The following ZFAND3 variants were observed in gnomAD, a reference collection of about 807,000 sequenced individuals.
The protein encoded by ZFAND3 is zinc finger AN1-type containing 3.
A neutral mutation model predicts 29.6 loss-of-function variants in ZFAND3; 10 were observed. The ratio of observed to expected loss-of-function variants is 0.34; its 90% CI spans 0.21 to 0.57. The LOEUF (loss-of-function observed/expected upper bound fraction) is 0.57, where lower values mean the gene tolerates loss of function less well. ZFAND3 is among the 20% of genes least tolerant of loss of function. ZFAND3 has a pLI of 0.86. For missense variants in ZFAND3, 230 were observed against 304.5 expected (o/e 0.76, Z 1.82); for synonymous variants, 128 against 112.6 (o/e 1.14, Z -0.87).
chr6:38,003,362 C>T (rs563502148), intron 2 of ZFAND3: 1 of 153,952 alleles, frequency 6.5e-6, no homozygotes, highest in African/African-American at 2.4e-5. Context: ...CTGCCATAGT[C>T]ATCTGCCCCC....
chr6:38,028,635 TA>T lies in ZFAND3; in HGVS notation c.113-32957del, dbSNP rs1232405822. Among the ~76,000 whole-genome samples the T allele has an allele frequency of 7.9e-4, 120 of 152,364 alleles. 1 individual carries two copies. The East Asian group carries it at 0.018, about 23-fold the overall frequency. ...CTAAAGTCTGCCTGACCTAGGGTAC[TA>T]TTGTAGTAAAGAATCCACTTAACTC... On this transcript the variant is annotated intron_variant, in intron 2 of 5. Transcript: ENST00000287218.
In ZFAND3 at chr6:37,945,957, A is replaced by G. The variant is rs1053121070; in HGVS notation, c.112+15958A>G. Among the ~76,000 whole-genome samples, 28 of 152,174 alleles carry G rather than the reference A, an allele frequency of 1.8e-4. 1 individual carries two copies. The highest frequency in any genetic ancestry group is 1.5e-5 in the Non-Finnish European group (1 of 68,028). ...AAATTTGGTCAGTGATTCTAGTTGC[A>G]TTATAAATTAAAATTCAGAGAAACA... On this transcript the variant is annotated intron_variant, in intron 2 of 5. Transcript: ENST00000287218.
intron 1 of ZFAND3, among the ~76,000 whole-genome samples, chr6:37,838,320 C>T (rs961319834): frequency 4.6e-5 from 7 of 152,128 alleles, no homozygotes; most frequent in African/African-American, 1.4e-4. Context: ...ATATAATTCA[C>T]CTACCATAAA....
At chr6:38,104,955 A>G (rs1458656036) in intron 4 of ZFAND3, among the ~76,000 whole-genome samples, 1 of 152,222 alleles carries the variant, frequency 6.6e-6, no homozygotes, top group Admixed American at 6.5e-5. Flanking sequence ...CAGGATATAT[A>G]GTAGTTAAGA....
At position 37,947,590 on chromosome 6, in the gene ZFAND3, C is replaced by T. The variant is rs1410371615; in HGVS notation, c.112+17591C>T. On this transcript the variant is annotated intron_variant, in intron 2 of 5. Transcript: ENST00000287218. Reference sequence around the variant, plus strand: ...CATGTAACAAAATGCCCTGCCCTTTCTACTCCAAGTTTCCCCACATGCAGT... The same window carrying T: ...CATGTAACAAAATGCCCTGCCCTTTTTACTCCAAGTTTCCCCACATGCAGT... Among the ~76,000 whole-genome samples the T allele has an allele frequency of 1.3e-5, 2 of 152,174 alleles. 1 individual carries two copies. Among genetic ancestry groups the T allele is most frequent in the Middle Eastern group, 6.3e-3 (2 of 316 alleles).
chr6:37,964,952 C>G (rs1177841658), intron 2 of ZFAND3, among the ~76,000 whole-genome samples: 1 of 152,118 alleles, frequency 6.6e-6, no homozygotes, highest in Non-Finnish European at 1.5e-5. Flanking sequence ...CATACAGTAG[C>G]AGGCATGTAG....
At chr6:37,884,114 G>C (rs76277811) in intron 1 of ZFAND3, among the ~76,000 whole-genome samples, 13,794 of 144,828 alleles carry the variant, frequency 0.095, 1,977 homozygotes, top group East Asian at 0.3. Flanking sequence ...AGATTAGAAT[G>C]GTTTTGATAT....
At chr6:37,908,570 A>G (rs1765456330) in intron 1 of ZFAND3, among the ~76,000 whole-genome samples, 1 of 149,924 alleles carries the variant, frequency 6.7e-6, no homozygotes, top group Admixed American at 6.6e-5. Flanking sequence ...GAAAAAAAAG[A>G]AAATAATTAG....
At chr6:38,075,918 AT>A (rs1373665006) in intron 3 of ZFAND3, among the ~76,000 whole-genome samples, 2 of 151,912 alleles carry the variant, frequency 1.3e-5, no homozygotes, top group Admixed American at 1.3e-4. Context: ...CACCCAACTA[AT>A]TTTTTTGTAT....
At chr6:37,920,102 A>G (rs1043452011) in intron 1 of ZFAND3, among the ~76,000 whole-genome samples, 12 of 139,962 alleles carry the variant, frequency 8.6e-5, no homozygotes, top group Non-Finnish European at 1.7e-4. Context: ...GTATAAAATA[A>G]TTGGTGTCTG....
In ZFAND3 at chr6:38,153,909, A is replaced by G. The variant is rs895093336; in HGVS notation, c.*1520A>G. On this transcript the variant is annotated 3_prime_UTR_variant, in exon 6 of 6. Coordinates refer to ENST00000287218, the MANE Select transcript of ZFAND3 (RefSeq NM_021943.3). Reference sequence around the variant, plus strand: ...GTTTAACCCAGCAACTTTCCTTTTTATAAAACAACAAATGGTTCAACTCTG... The same window carrying G: ...GTTTAACCCAGCAACTTTCCTTTTTGTAAAACAACAAATGGTTCAACTCTG... 32 of 985,376 alleles carry G rather than the reference A, an allele frequency of 3.2e-5. No homozygotes were observed. Among genetic ancestry groups the G allele is most frequent in the Non-Finnish European group, 3.9e-5 (32 of 829,940 alleles). 61.0% of individuals were successfully genotyped at this position (985,376 alleles called of 1,614,324 possible).
intron 3 of ZFAND3, among the ~76,000 whole-genome samples, chr6:38,078,697 A>G (rs552535438): frequency 6.6e-5 from 10 of 152,286 alleles, no homozygotes; most frequent in Admixed American, 3.3e-4. Flanking sequence ...AAATACATCT[A>G]TTGTCCCAAC....
chr6:37,942,274 T>A (rs920161597), intron 2 of ZFAND3, among the ~76,000 whole-genome samples: 28 of 135,090 alleles, frequency 2.1e-4, no homozygotes, highest in Admixed American at 5.7e-4. Flanking sequence ...TATATATATT[T>A]TTTTTTCTTT....
At chr6:37,891,860 T>C (rs1441591641) in intron 1 of ZFAND3, among the ~76,000 whole-genome samples, 1 of 151,838 alleles carries the variant, frequency 6.6e-6, no homozygotes, top group Non-Finnish European at 1.5e-5. Context: ...TCCCGAGTAG[T>C]TGGGATTACA....
intron 2 of ZFAND3, among the ~76,000 whole-genome samples, chr6:37,951,727 G>A (rs1762002020): frequency 6.6e-6 from 1 of 152,088 alleles, no homozygotes; most frequent in Non-Finnish European, 1.5e-5. Context: ...CTCCAGTACT[G>A]TGTTGAATAA....
intron 2 of ZFAND3, among the ~76,000 whole-genome samples, chr6:37,950,566 A>G (rs1270018509): frequency 1.3e-5 from 2 of 151,478 alleles, no homozygotes; most frequent in African/African-American, 4.9e-5. Flanking sequence ...TTTTGTGGAG[A>G]TGGGGTTTCA....
intron 2 of ZFAND3, among the ~76,000 whole-genome samples, chr6:38,037,529 T>C (rs1164881566): frequency 1.3e-5 from 2 of 152,234 alleles, no homozygotes; most frequent in Non-Finnish European, 2.9e-5. Context: ...CGTGTGAACT[T>C]GGGTGACTGA....
At chr6:38,064,538 A>G (rs115625233) in intron 3 of ZFAND3, among the ~76,000 whole-genome samples, 5 of 152,354 alleles carry the variant, frequency 3.3e-5, no homozygotes, top group South Asian at 2.1e-4. Flanking sequence ...GTGAAATACA[A>G]CTGTCATAGA....
rs1050100376 is a variant in ZFAND3 at position 38,136,522 on chromosome 6, G to A, written c.530-15713G>A. Among the ~76,000 whole-genome samples, 13 of 152,250 alleles carry A rather than the reference G, an allele frequency of 8.5e-5. No individual in the cohort carries two copies. In the East Asian group the frequency reaches 9.6e-4, roughly 11 times the overall value. On this transcript the variant is annotated intron_variant, in intron 5 of 5. Coordinates refer to ENST00000287218, the MANE Select transcript of ZFAND3 (RefSeq NM_021943.3). ...CTCCTCCAGAAAAGTACTTTGGGAC[G>A]GCAAGGGAGCTAGGGATGAGTGTGT...
Sources: allele counts gnomAD v4.1 joint callset (sites outside exome capture counted in the v4.1 genomes callset), GRCh38; gene constraint gnomAD v4.1.1; transcripts MANE v1.5; gene names NCBI Gene and HGNC (gene_info 2026-07-23, HGNC 2026-07-21).